The following ATG7 variants were observed in gnomAD, a reference collection of about 807,000 sequenced individuals.
The protein encoded by ATG7 is ubiquitin-like modifier-activating enzyme ATG7.
In ATG7, 70 loss-of-function variants were observed where a neutral mutation model predicts 82.4. That is an observed-to-expected ratio of 0.85 (90% CI 0.70 to 1.04). ATG7 has a LOEUF of 1.04. Ranked by LOEUF, ATG7 falls within the 50% of genes least tolerant of loss-of-function variation. The pLI, the probability that ATG7 is intolerant of heterozygous loss-of-function variation, is 0.00. For synonymous variants in ATG7, 287 were observed against 313.0 expected (o/e 0.92, Z 0.88); for missense variants, 792 against 864.3 (o/e 0.92, Z 1.05).
chr3:11,489,832 A>G (rs1464326144), intron 20 of ATG7, among the ~76,000 whole-genome samples: 2 of 152,054 alleles, frequency 1.3e-5, no homozygotes, highest in East Asian at 1.9e-4. Context: ...TTGCACTGTG[A>G]TCTGAGAGAC....
intron 13 of ATG7, among the ~76,000 whole-genome samples, chr3:11,346,007 C>T (rs1475093087): frequency 6.6e-6 from 1 of 152,140 alleles, no homozygotes; most frequent in East Asian, 1.9e-4. Context: ...ATAATAATGT[C>T]CTTTGCTCTT....
At chr3:11,525,448 ATTTT>A (rs11310291) in intron 20 of ATG7, among the ~76,000 whole-genome samples, 26 of 121,108 alleles carry the variant, frequency 2.1e-4, no homozygotes, top group Admixed American at 5.9e-4. Flanking sequence ...AAGACATGTG[ATTTT>A]TTTTTTTTTT....
At chr3:11,573,098 G>A in the ATG7 span, among the ~76,000 whole-genome samples, 6 of 151,816 alleles carry the variant, frequency 4.0e-5, no homozygotes, top group East Asian at 1.9e-4. Flanking sequence ...CCCGGGAGGC[G>A]GAGGTTGCAG....
At chr3:11,363,913 C>T (rs1009342044) in intron 17 of ATG7, among the ~76,000 whole-genome samples, 3 of 152,044 alleles carry the variant, frequency 2.0e-5, no homozygotes, top group East Asian at 1.9e-4. Flanking sequence ...AAATGAAAAG[C>T]GGGGCTTTTT....
chr3:11,440,369 G>A lies in ATG7; in HGVS notation c.2079+13443G>A, dbSNP rs1321854582. Among the ~76,000 whole-genome samples, 3 of 120,048 alleles carry A rather than the reference G, an allele frequency of 2.5e-5. No homozygotes were observed. The East Asian group carries it at 8.3e-4, about 33-fold the overall frequency. The allele number at this position is 120,048 out of a possible 152,430, so 78.8% of individuals were successfully genotyped here. A position where few individuals can be genotyped will look rare whatever the true frequency, so the allele number is the denominator to read the frequency against. On this transcript the variant is annotated intron_variant, in intron 20 of 20. Transcript: ENST00000693202. Reference sequence around the variant, plus strand: ...AGACGGAGTCTCGCTCTGTCGCCCAGGCTGGAGTGCAGTGGCGGGATCTCG... The same window carrying A: ...AGACGGAGTCTCGCTCTGTCGCCCAAGCTGGAGTGCAGTGGCGGGATCTCG...
chr3:11,342,805 C>G (rs562907787), intron 13 of ATG7, among the ~76,000 whole-genome samples: 20 of 149,272 alleles, frequency 1.3e-4, no homozygotes, highest in African/African-American at 4.4e-4. Flanking sequence ...AGAGAACATT[C>G]TTATACTTGT....
chr3:11,386,952 T>C (rs543922505), intron 19 of ATG7, among the ~76,000 whole-genome samples: 1 of 152,320 alleles, frequency 6.6e-6, no homozygotes, highest in Non-Finnish European at 1.5e-5. Flanking sequence ...CCTTGGACAT[T>C]TCTCCCTTTG....
At chr3:11,486,393 C>T (rs1164913541) in intron 20 of ATG7, among the ~76,000 whole-genome samples, 1 of 152,158 alleles carries the variant, frequency 6.6e-6, no homozygotes, top group Non-Finnish European at 1.5e-5. Flanking sequence ...ATTTTGTATA[C>T]TGAGACTTTG....
intron 20 of ATG7, among the ~76,000 whole-genome samples, chr3:11,438,193 G>C (rs747682726): frequency 4.6e-5 from 7 of 152,090 alleles, no homozygotes; most frequent in Admixed American, 3.3e-4. Flanking sequence ...CGTCTTCTCT[G>C]GGTGTCACCA....
chr3:11,394,688 C>T (rs1335679078), intron 19 of ATG7, among the ~76,000 whole-genome samples: 1 of 152,172 alleles, frequency 6.6e-6, no homozygotes, highest in African/African-American at 2.4e-5. Flanking sequence ...TAAACCATCC[C>T]TCACATTGGC....
intron 3 of ATG7, among the ~76,000 whole-genome samples, chr3:11,287,964 G>A (rs760718867): frequency 6.6e-6 from 1 of 152,190 alleles, no homozygotes; most frequent in South Asian, 2.1e-4. Flanking sequence ...AGTCCTGCCC[G>A]AGGCCTTTTT....
At chr3:11,310,664 G>A (rs1478201141) in intron 7 of ATG7, among the ~76,000 whole-genome samples, 1 of 148,198 alleles carries the variant, frequency 6.7e-6, no homozygotes, top group African/African-American at 2.5e-5. Context: ...ACGGAGTCTC[G>A]CTCTGTCACC....
intron 20 of ATG7, among the ~76,000 whole-genome samples, chr3:11,430,443 G>C (rs747508712): frequency 4.6e-5 from 7 of 152,178 alleles, no homozygotes; most frequent in Admixed American, 3.3e-4. Context: ...TGCATTCTAC[G>C]TAGAAAGGTC....
At chr3:11,423,562 A>T (rs1375445767) in intron 19 of ATG7, among the ~76,000 whole-genome samples, 1 of 152,134 alleles carries the variant, frequency 6.6e-6, no homozygotes, top group Non-Finnish European at 1.5e-5. Context: ...CTGACGTAAC[A>T]TTCTGGTTTA....
intron 7 of ATG7, among the ~76,000 whole-genome samples, chr3:11,309,753 A>T (rs1349501843): frequency 6.6e-6 from 1 of 152,222 alleles, no homozygotes; most frequent in African/African-American, 2.4e-5. Flanking sequence ...AGATGTGTGT[A>T]TATATATCTG....
At chr3:11,411,582 T>G (rs2080896858) in intron 19 of ATG7, among the ~76,000 whole-genome samples, 1 of 123,466 alleles carries the variant, frequency 8.1e-6, no homozygotes, top group Non-Finnish European at 1.6e-5. Context: ...ATCACGCCAC[T>G]GCACTCCAGC....
chr3:11,512,447 A>G (rs544796915), intron 20 of ATG7, among the ~76,000 whole-genome samples: 1 of 152,336 alleles, frequency 6.6e-6, no homozygotes, highest in Admixed American at 6.5e-5. Context: ...CACAGGATTA[A>G]TGTTCCATCT....
intron 19 of ATG7, among the ~76,000 whole-genome samples, chr3:11,425,601 T>C (rs2082298454): frequency 6.6e-6 from 1 of 152,232 alleles, no homozygotes; most frequent in Non-Finnish European, 1.5e-5. Context: ...TACTCATTGT[T>C]TCTAAGAACT....
intron 5 of ATG7, among the ~76,000 whole-genome samples, chr3:11,305,948 A>C (rs1380041217): frequency 6.6e-6 from 1 of 152,262 alleles, no homozygotes; most frequent in Non-Finnish European, 1.5e-5. Flanking sequence ...TGTCTGCATT[A>C]GCTGCGACAA....
Sources: gnomAD v4.1 joint callset for allele counts (sites outside exome capture counted in the v4.1 genomes callset) on GRCh38, gnomAD v4.1.1 for gene constraint, MANE v1.5 for transcripts, NCBI Gene and HGNC (gene_info 2026-07-23, HGNC 2026-07-21) for gene names.